The following KLHL11 variants were observed in gnomAD, a reference collection of about 807,000 sequenced individuals.
KLHL11 encodes kelch like family member 11.
A neutral mutation model predicts 56.1 loss-of-function variants in KLHL11; 26 were observed. That is an observed-to-expected ratio of 0.46 (90% CI 0.34 to 0.64). The LOEUF is 0.64. Ranked by LOEUF, KLHL11 falls within the 30% of genes least tolerant of loss-of-function variation. The pLI, the probability that KLHL11 is intolerant of heterozygous loss-of-function variation, is 0.01. For missense variants in KLHL11, 627 were observed against 919.4 expected, an observed-to-expected ratio of 0.68 and a Z score of 4.11; for synonymous variants, 338 against 345.8, an observed-to-expected ratio of 0.98 and a Z score of 0.25.
rs1364160561 is a variant in KLHL11 at position 41,849,961 on chromosome 17, T to G, written c.*3779A>C. The stretch of plus-strand genomic sequence containing the variant: ...AAGCAAAAGCAACAAAACAAAGGTT[T>G]GCTTGAATACGCATTAAGCTGTCTT... On this transcript the variant is annotated 3_prime_UTR_variant, in exon 2 of 2. Coordinates refer to ENST00000319121, the MANE Select transcript of KLHL11 (RefSeq NM_018143.3). 6.6e-6 allele frequency: 1 copy of G among 152,234 alleles called. No homozygotes were observed. The highest frequency in any genetic ancestry group is 1.5e-5 in the Non-Finnish European group (1 of 68,042). The allele number at this position is 152,234 out of a possible 1,614,324, so 9.4% of individuals were successfully genotyped here.
At position 41,855,988 on chromosome 17, in the gene KLHL11, C is replaced by G. The variant is rs551186928; in HGVS notation, c.546-667G>C. On this transcript the variant is annotated intron_variant, in intron 1 of 1. Transcript: ENST00000319121. ...GCCATGCCCGGCCTACACCATCCCC[C>G]CCCCAAAAAAAAACTCCAAAAAAAC... is the stretch of plus-strand genomic sequence containing the variant. 2.1e-4 allele frequency among the ~76,000 whole-genome samples: 31 copies of G among 148,692 alleles called. No homozygotes were observed. The East Asian group carries it at 4.8e-3, about 23-fold the overall frequency.
rs1279272845 is a variant in KLHL11, at chr17:41,851,219, A to C, written c.*2521T>G. 6.6e-6 allele frequency: 1 copy of C among 152,184 alleles called. No individual in the cohort carries two copies. The highest frequency in any genetic ancestry group is 6.5e-5 in the Admixed American group (1 of 15,274). The allele number at this position is 152,184 out of a possible 1,614,324, so 9.4% of individuals were successfully genotyped here. A position where few individuals can be genotyped will look rare whatever the true frequency, so the allele number is the denominator to read the frequency against. Reference sequence around the variant, plus strand: ...AGACCAGCCTGGCCAATAAGGTGAGACCTCACATCTTAAAAAACCAAAACA... The same window carrying C: ...AGACCAGCCTGGCCAATAAGGTGAGCCCTCACATCTTAAAAAACCAAAACA... On this transcript the variant is annotated 3_prime_UTR_variant, in exon 2 of 2. Transcript: ENST00000319121.
At chr17:41,862,962 T>C (rs1345405836) in intron 1 of KLHL11, among the ~76,000 whole-genome samples, 2 of 152,250 alleles carry the variant, frequency 1.3e-5, no homozygotes, top group African/African-American at 4.8e-5. Context: ...ATCCTTCCCA[T>C]TGCTTGGGTC....
chr17:41,858,276 G>C (rs1463764823), intron 1 of KLHL11, among the ~76,000 whole-genome samples: 6 of 146,048 alleles, frequency 4.1e-5, no homozygotes, highest in Non-Finnish European at 8.9e-5. Flanking sequence ...ACCCAGGCTG[G>C]AGTGCAGTGG....
rs974694437 is a variant in KLHL11 at position 41,850,807 on chromosome 17, G to A, written c.*2933C>T. 2.9e-4 allele frequency: 44 copies of A among 152,166 alleles called. No individual in the cohort carries two copies. Among genetic ancestry groups the A allele is most frequent in the African/African-American group, 1.0e-3 (43 of 41,440 alleles). 9.4% of individuals were successfully genotyped at this position (152,166 alleles called of 1,614,324 possible). ...TAATATATCCTTATATGTAGAAATA[G>A]ACTTGCAGTTTCTCACGCCCACTCC... On this transcript the variant is annotated 3_prime_UTR_variant, in exon 2 of 2. Coordinates refer to ENST00000319121, the MANE Select transcript of KLHL11 (RefSeq NM_018143.3).
rs1405935230 is a variant in KLHL11 at position 41,859,575 on chromosome 17, AAAAAC to A, written c.546-4259_546-4255del. On this transcript the variant is annotated intron_variant, in intron 1 of 1. Transcript: ENST00000319121. Reference sequence around the variant, plus strand: ...TGCTATCTCAAAAAAACAAAAAACAAAAAACAAAACAACAACAACAAAAATTAGCT... The same window carrying A: ...TGCTATCTCAAAAAAACAAAAAACAAAAAACAACAACAACAAAAATTAGCT... 8.6e-5 allele frequency among the ~76,000 whole-genome samples: 13 copies of A among 151,582 alleles called. No homozygotes were observed. The East Asian group carries it at 2.3e-3, about 27-fold the overall frequency.
In KLHL11 at chr17:41,853,647, TAA is replaced by T; in HGVS notation, c.*91_*92del. On this transcript the variant is annotated 3_prime_UTR_variant, in exon 2 of 2. Coordinates refer to ENST00000319121, the MANE Select transcript of KLHL11 (RefSeq NM_018143.3). ...GGTAATAATCAGTTCATGTAGAAAA[TAA>T]GTTATCGACATACTTTTTTAAATAA... is the stretch of plus-strand genomic sequence containing the variant. 7.1e-7 allele frequency: 1 copy of T among 1,416,422 alleles called. No individual in the cohort carries two copies. The highest frequency in any genetic ancestry group is 1.4e-5 in the South Asian group (1 of 70,154). 87.7% of individuals were successfully genotyped at this position (1,416,422 alleles called of 1,614,324 possible).
rs2048357192 is a variant in KLHL11 at position 41,855,179 on chromosome 17, T to C, written c.688A>G (p.Arg230Gly). 2 of 1,614,056 alleles carry C rather than the reference T, an allele frequency of 1.2e-6. No individual in the cohort carries two copies. The highest frequency in any genetic ancestry group is 2.2e-5 in the South Asian group (2 of 91,086). The change falls in exon 2 of 2, where the codon AGA becomes GGA. Residue 230 changes from arginine to glycine, a missense_variant. By Grantham distance (125) the Arg-to-Gly change is moderately radical. Around this residue, in one of 4 missense-constraint regions of KLHL11, gnomAD observed 150 missense variants for 215.7 expected, o/e 0.70. Transcript: ENST00000319121. ...TCCTGAATCACTTTGTGGAAATTTC[T>C]CCGTATCATATCAGCAGCCTTCAGA... Reference protein sequence around the residue: ...LALKAADMIRRNFHKVIQDEE... With the variant: ...LALKAADMIRGNFHKVIQDEE...
In KLHL11 at chr17:41,865,097, G is replaced by C; in HGVS notation, c.274C>G (p.Leu92Val). ...AAGCACAGGGTAATGTCGCAGAAGA[G>C]GCCCTGGCGCCGCTGCTCGTTCTGC... is the stretch of plus-strand genomic sequence containing the variant. The part of the protein sequence containing the change: ...WRQNEQRRQG[L>V]FCDITLCFGG... Residue 92 changes from leucine (L) to valine (V), a missense_variant, in exon 1 of 2, where the codon CTC becomes GTC. By Grantham distance (32) the Leu-to-Val change is conservative (BLOSUM62 1). This residue lies in a region of KLHL11 where 150 missense variants were observed against 215.7 expected (regional missense o/e 0.70). Transcript: ENST00000319121. The C allele has an allele frequency of 6.2e-7, 1 of 1,603,346 alleles. No homozygotes were observed.
rs2048323226 is a variant in KLHL11, at chr17:41,849,882, T to C, written c.*3858A>G. On this transcript the variant is annotated 3_prime_UTR_variant, in exon 2 of 2. Transcript: ENST00000319121. ...AAGATATAAGTAGCCTCACTCAAAGTTACATATACTATTACTTTTTGGTAT... is the reference window on the plus strand; with the variant it reads ...AAGATATAAGTAGCCTCACTCAAAGCTACATATACTATTACTTTTTGGTAT... 1 of 152,150 alleles carries C rather than the reference T, an allele frequency of 6.6e-6. No individual in the cohort carries two copies. Among genetic ancestry groups the C allele is most frequent in the Admixed American group, 6.6e-5 (1 of 15,262 alleles). The allele number at this position is 152,150 out of a possible 1,614,324, so 9.4% of individuals were successfully genotyped here. A position where few individuals can be genotyped will look rare whatever the true frequency, so the allele number is the denominator to read the frequency against.
At chr17:41,864,468 T>C (rs1555623339) in intron 1 of KLHL11, among the ~76,000 whole-genome samples, 1 of 152,250 alleles carries the variant, frequency 6.6e-6, no homozygotes, top group Non-Finnish European at 1.5e-5. Context: ...TTTTTTGACA[T>C]TCAGAGGTCG....
Position 41,852,289 on chromosome 17 carries a change from T to C in KLHL11, c.*1451A>G, listed in dbSNP as rs2048336370. On this transcript the variant is annotated 3_prime_UTR_variant, in exon 2 of 2. Coordinates refer to ENST00000319121, the MANE Select transcript of KLHL11 (RefSeq NM_018143.3). ...CTCAGCCTCCTCCAAAGTGTTGGGA[T>C]TACAGTCATGAGCCACCGTGCCCAG... Among the ~76,000 whole-genome samples, 2 of 151,186 alleles carry C rather than the reference T, an allele frequency of 1.3e-5. No homozygotes were observed. Among genetic ancestry groups the C allele is most frequent in the Non-Finnish European group, 2.9e-5 (2 of 67,830 alleles).
intron 1 of KLHL11, among the ~76,000 whole-genome samples, 166 bp downstream of exon 1, chr17:41,864,660 G>T (rs1180245138): frequency 2.0e-5 from 3 of 152,180 alleles, no homozygotes; most frequent in Non-Finnish European, 4.4e-5. Flanking sequence ...CATCCTCCTC[G>T]CCCACCGCGG....
intron 1 of KLHL11, among the ~76,000 whole-genome samples, chr17:41,863,563 T>C (rs890689701): frequency 1.2e-4 from 19 of 152,082 alleles, no homozygotes; most frequent in African/African-American, 4.6e-4. Flanking sequence ...GCCCCAAACC[T>C]TCCCATTTCA....
intron 1 of KLHL11, among the ~76,000 whole-genome samples, chr17:41,858,691 C>T (rs2048383921): frequency 6.6e-6 from 1 of 152,122 alleles, no homozygotes; most frequent in Non-Finnish European, 1.5e-5. Flanking sequence ...ACCTCGGCCA[C>T]CCAAAGTGCT....
At chr17:41,862,251 G>A (rs1429179752) in intron 1 of KLHL11, among the ~76,000 whole-genome samples, 1 of 151,162 alleles carries the variant, frequency 6.6e-6, no homozygotes, top group Non-Finnish European at 1.5e-5. Flanking sequence ...ACCACGCCCT[G>A]CTAATTTTTG....
rs2048355490 is a variant in KLHL11, at chr17:41,854,910, G to A, written c.957C>T (p.Val319=). The A allele has an allele frequency of 6.2e-7, 1 of 1,614,184 alleles. No homozygotes were observed. Among genetic ancestry groups the A allele is most frequent in the Admixed American group, 1.7e-5 (1 of 60,022 alleles). ...TCTCCACTGCGTCAGCGACCAACTT[G>A]ACACAAACTTCATTATTGGCTACCA... ...ERLVANNEVC[V]KLVADAVERH... is the part of the protein sequence containing the mutation. The change falls in exon 2 of 2, where the codon GTC becomes GTT. Residue 319 remains valine (V), a synonymous_variant. Coordinates refer to ENST00000319121, the MANE Select transcript of KLHL11 (RefSeq NM_018143.3). This position sits in a 1 kb window ranked among gnomAD's most constrained non-coding sequence, Gnocchi z 4.9.
At chr17:41,859,365 A>G (rs1171002822) in intron 1 of KLHL11, among the ~76,000 whole-genome samples, 2 of 152,200 alleles carry the variant, frequency 1.3e-5, no homozygotes, top group East Asian at 3.9e-4. Context: ...GGAGTTCGAG[A>G]CCACCCTGGC....
intron 1 of KLHL11, among the ~76,000 whole-genome samples, chr17:41,859,480 G>C (rs1013097725): frequency 1.3e-5 from 2 of 152,042 alleles, no homozygotes; most frequent in Non-Finnish European, 2.9e-5. Flanking sequence ...CAGGAGAATC[G>C]CTTGAACCCG....
Sources: allele counts gnomAD v4.1 joint callset (sites outside exome capture counted in the v4.1 genomes callset), GRCh38; gene constraint gnomAD v4.1.1; regional missense constraint gnomAD v4.1.1; non-coding constraint Gnocchi (gnomAD v3.1); transcripts MANE v1.5; gene names NCBI Gene and HGNC (gene_info 2026-07-23, HGNC 2026-07-21).